Variants in MGAT3 observed in about 807,000 individuals in gnomAD.
MGAT3 encodes beta-1,4-mannosyl-glycoprotein 4-beta-N-acetylglucosaminyltransferase, also known as GlcNAc-T III.
Under a neutral mutation model 29.8 loss-of-function variants are expected in MGAT3, and 9 were observed. The ratio of observed to expected loss-of-function variants is 0.30; its 90% CI spans 0.18 to 0.53. MGAT3 has a LOEUF of 0.53. MGAT3 is among the 20% of genes least tolerant of loss of function. MGAT3 has a pLI of 0.96. For missense variants in MGAT3, 557 were observed against 769.5 expected, an observed-to-expected ratio of 0.72 and a Z score of 3.27; for synonymous variants, 397 against 348.9, an observed-to-expected ratio of 1.14 and a Z score of -1.54.
intron 1 of MGAT3, among the ~76,000 whole-genome samples, chr22:39,464,483 A>G (rs1203305998): frequency 1.3e-5 from 2 of 151,640 alleles, no homozygotes; most frequent in Non-Finnish European, 2.9e-5. Context: ...TGTGTCACCC[A>G]GGCTGGAGTG....
chr22:39,489,958 G>A lies in MGAT3; in HGVS notation c.*1009G>A, dbSNP rs1303971605. On this transcript the variant is annotated 3_prime_UTR_variant, in exon 2 of 2. Transcript: ENST00000341184. Reference sequence around the variant, plus strand: ...GGGGCCAGAAAGGGGCCATGAGGCTGTCTTGGGCCCAAAAAGGGACAATAA... The same window carrying A: ...GGGGCCAGAAAGGGGCCATGAGGCTATCTTGGGCCCAAAAAGGGACAATAA... 6.0e-6 allele frequency: 1 copy of A among 167,412 alleles called. No homozygotes were observed. The highest frequency in any genetic ancestry group is 1.9e-4 in the East Asian group (1 of 5,336). The allele number at this position is 167,412 out of a possible 1,614,324, so 10.4% of individuals were successfully genotyped here.
intron 1 of MGAT3, among the ~76,000 whole-genome samples, chr22:39,460,889 C>T (rs1928479947): frequency 6.6e-6 from 1 of 152,096 alleles, no homozygotes; most frequent in Non-Finnish European, 1.5e-5. Flanking sequence ...TTTACTGCTC[C>T]CTTCCAGAAC....
intron 1 of MGAT3, among the ~76,000 whole-genome samples, chr22:39,469,429 G>T (rs1265820895): frequency 1.3e-5 from 2 of 152,176 alleles, no homozygotes; most frequent in Admixed American, 6.5e-5. Flanking sequence ...TTCCTGCCAG[G>T]TCTGCACCTC....
intron 1 of MGAT3, among the ~76,000 whole-genome samples, chr22:39,479,605 C>T (rs756648866): frequency 9.9e-5 from 15 of 152,276 alleles, no homozygotes; most frequent in Non-Finnish European, 1.5e-4. Flanking sequence ...CACCCAAAGG[C>T]TCACTCTTTC....
intron 1 of MGAT3, chr22:39,476,315 C>T (rs1473623106): frequency 1.3e-5 from 2 of 152,414 alleles, no homozygotes; most frequent in Admixed American, 6.5e-5. Context: ...CCCAGACTCT[C>T]GTGGGTATTC....
chr22:39,463,415 C>A (rs1178854577), intron 1 of MGAT3, among the ~76,000 whole-genome samples: 1 of 152,230 alleles, frequency 6.6e-6, no homozygotes, highest in Non-Finnish European at 1.5e-5. Flanking sequence ...GGCCTGTTCC[C>A]TGAGGCTTGG....
chr22:39,468,231 C>T (rs1055219280), intron 1 of MGAT3, among the ~76,000 whole-genome samples: 5 of 152,312 alleles, frequency 3.3e-5, no homozygotes, highest in Middle Eastern at 3.4e-3. Context: ...CCAGGGGCAA[C>T]GCTGCCACCC....
intron 1 of MGAT3, chr22:39,477,435 C>G (rs1182813836): frequency 6.6e-6 from 1 of 151,884 alleles, no homozygotes; most frequent in African/African-American, 2.4e-5. Flanking sequence ...TGTACCTTAA[C>G]AAAGGTGTCT....
chr22:39,488,997 C>T lies in MGAT3; in HGVS notation c.*48C>T. 6.5e-7 allele frequency: 1 copy of T among 1,537,086 alleles called. No homozygotes were observed. Among genetic ancestry groups the T allele is most frequent in the Non-Finnish European group, 8.7e-7 (1 of 1,144,040 alleles). ...TGTGACAGGGCGGGGGTGGCGGCGG[C>T]CCCTAGCGCTATCTCCCTGCCTCCT... On this transcript the variant is annotated 3_prime_UTR_variant, in exon 2 of 2. Coordinates refer to ENST00000341184, the MANE Select transcript of MGAT3 (RefSeq NM_002409.5).
chr22:39,462,141 C>T (rs1442208460), intron 1 of MGAT3, among the ~76,000 whole-genome samples: 1 of 152,114 alleles, frequency 6.6e-6, no homozygotes, highest in Non-Finnish European at 1.5e-5. Flanking sequence ...CCTTGTGATC[C>T]GCCTGCCTCG....
intron 1 of MGAT3, among the ~76,000 whole-genome samples, chr22:39,471,485 T>C (rs886556391): frequency 6.6e-6 from 1 of 152,136 alleles, no homozygotes; most frequent in African/African-American, 2.4e-5. Flanking sequence ...AATTACAGGC[T>C]TGAGCAGCCC....
In MGAT3 at chr22:39,475,128, C is replaced by CT. The variant is rs58543840; in HGVS notation, c.-1-12197dup. Among the ~76,000 whole-genome samples the CT allele has an allele frequency of 4.3e-3, 507 of 118,736 alleles. 9 individuals carry two copies. Among genetic ancestry groups the CT allele is most frequent in the Admixed American group, 5.7e-3 (69 of 12,112 alleles). The allele number at this position is 118,736 out of a possible 152,430, so 77.9% of individuals were successfully genotyped here. Reference sequence around the variant, plus strand: ...TGAATTCACAGCAGGGCTTGCCAGGCTTTTTTTTTTTTTTTTTTTTTTAAC... The same window carrying CT: ...TGAATTCACAGCAGGGCTTGCCAGGCTTTTTTTTTTTTTTTTTTTTTTTAAC... On this transcript the variant is annotated intron_variant, in intron 1 of 1. Transcript: ENST00000341184.
rs758273596 is a variant in MGAT3, at chr22:39,463,465, G to C, written c.-2+5908G>C. Among the ~76,000 whole-genome samples the C allele has an allele frequency of 1.3e-5, 2 of 152,196 alleles. 1 individual carries two copies. Among genetic ancestry groups the C allele is most frequent in the South Asian group, 4.1e-4 (2 of 4,830 alleles). ...CATCACTTAGCCTCTTGGCCTCCAG[G>C]CTTCCCCTTCAAGGCCCTCCTTCTG... On this transcript the variant is annotated intron_variant, in intron 1 of 1. Coordinates refer to ENST00000341184, the MANE Select transcript of MGAT3 (RefSeq NM_002409.5).
chr22:39,462,548 C>T (rs1928527541), intron 1 of MGAT3, among the ~76,000 whole-genome samples: 1 of 152,214 alleles, frequency 6.6e-6, no homozygotes, highest in Non-Finnish European at 1.5e-5. Flanking sequence ...AGGGAGGGTA[C>T]AGGGACCTGC....
At position 39,457,052 on chromosome 22, in the gene MGAT3, G is replaced by A. The variant is rs933829262; in HGVS notation, c.-507G>A. Among the ~76,000 whole-genome samples the A allele has an allele frequency of 2.0e-5, 3 of 150,424 alleles. No individual in the cohort carries two copies. Among genetic ancestry groups the A allele is most frequent in the Non-Finnish European group, 4.4e-5 (3 of 67,502 alleles). ...CTCGCACACGCACACACTCGATCCA[G>A]CACGCGCGGGCGGCGCGGGGCGGCG... On this transcript the variant is annotated 5_prime_UTR_variant, in exon 1 of 2. Coordinates refer to ENST00000341184, the MANE Select transcript of MGAT3 (RefSeq NM_002409.5). The surrounding 1 kb of genome is among the most constrained non-coding windows in gnomAD (Gnocchi z 6.8).
intron 1 of MGAT3, among the ~76,000 whole-genome samples, chr22:39,458,920 C>T (rs143634503): frequency 6.5e-4 from 99 of 152,256 alleles, no homozygotes; most frequent in African/African-American, 2.3e-3. Context: ...CAGCAGGGAG[C>T]TGGCACTTGG....
intron 1 of MGAT3, among the ~76,000 whole-genome samples, chr22:39,459,766 A>G (rs543222345): frequency 1.3e-5 from 2 of 152,288 alleles, no homozygotes; most frequent in East Asian, 3.9e-4. Flanking sequence ...ATGGGGGAGA[A>G]TTTTGAATGG....
chr22:39,489,309 G>A lies in MGAT3; in HGVS notation c.*360G>A, dbSNP rs772973154. On this transcript the variant is annotated 3_prime_UTR_variant, in exon 2 of 2. Coordinates refer to ENST00000341184, the MANE Select transcript of MGAT3 (RefSeq NM_002409.5). ...TGCAGGATCTCACCAGGCAGCCTCT[G>A]GGGGGTGGCCAGGCCGGGAAAAAGC... 1.7e-5 allele frequency: 5 copies of A among 299,456 alleles called. No homozygotes were observed. Among genetic ancestry groups the A allele is most frequent in the Non-Finnish European group, 3.3e-5 (5 of 151,026 alleles). 18.5% of individuals were successfully genotyped at this position (299,456 alleles called of 1,614,324 possible).
chr22:39,484,384 G>C (rs141133732), intron 1 of MGAT3, among the ~76,000 whole-genome samples: 2 of 152,004 alleles, frequency 1.3e-5, no homozygotes, highest in African/African-American at 4.8e-5. Context: ...TTTGTTTGTT[G>C]TTTTTTGAGA....
Sources: allele counts gnomAD v4.1 joint callset (sites outside exome capture counted in the v4.1 genomes callset), GRCh38; gene constraint gnomAD v4.1.1; non-coding constraint Gnocchi (gnomAD v3.1); transcripts MANE v1.5; gene names NCBI Gene and HGNC (gene_info 2026-07-23, HGNC 2026-07-21).